GLI3: variants seen among roughly 807,000 people sequenced by gnomAD.
The protein encoded by GLI3 is transcription activator GLI3.
A neutral mutation model predicts 100.8 loss-of-function variants in GLI3; 20 were observed. The observed-to-expected ratio is 0.20, with a 90% CI of 0.14 to 0.29. GLI3 has a LOEUF of 0.29. Among genes scored for constraint, GLI3 ranks in the 10% least tolerant of loss-of-function variants. The probability of loss-of-function intolerance (pLI) is 1.00; values close to 1 mark genes in which losing one functional copy is unlikely to be tolerated. For missense variants in GLI3, 2,040 were observed against 2,128.5 expected (o/e 0.96, Z 0.82); for synonymous variants, 938 against 860.5 (o/e 1.09, Z -1.58).
intron 7 of GLI3, among the ~76,000 whole-genome samples, chr7:42,035,331 G>T (rs1285480774): frequency 6.6e-6 from 1 of 152,198 alleles, no homozygotes; most frequent in South Asian, 2.1e-4. Flanking sequence ...CAGTGGACCT[G>T]CCAGATGCAC....
upstream of GLI3, among the ~76,000 whole-genome samples, chr7:42,241,950 C>T (rs889483259): frequency 4.9e-4 from 74 of 152,126 alleles, no homozygotes; most frequent in African/African-American, 1.7e-3. Flanking sequence ...TTCTGTATCC[C>T]GCTTTTTCTA....
chr7:42,144,635 T>C (rs139898577), intron 3 of GLI3, among the ~76,000 whole-genome samples: 124 of 151,948 alleles, frequency 8.2e-4, no homozygotes, highest in African/African-American at 2.9e-3. Flanking sequence ...TATAATAAAA[T>C]CTTGTGCAAT....
rs1352265362 is a variant in GLI3, at chr7:41,965,289, G to C, written c.3784C>G (p.Pro1262Ala). Residue 1262 changes from proline (P) to alanine (A), a missense_variant, in exon 15 of 15, where the codon CCA becomes GCA. Pro to Ala is a conservative substitution (Grantham distance 27). This residue lies in a region of GLI3 where 1,041 missense variants were observed against 924.0 expected (regional missense o/e 1.13). Coordinates refer to ENST00000395925, the MANE Select transcript of GLI3 (RefSeq NM_000168.6). ...PQYGNCLNRQ[P>A]VAPGALDGAC... ...CCGTCGAGTGCACCAGGGGCCACTG[G>C]CTGCCTGTTGAGACAGTTCCCATAC... is the stretch of plus-strand genomic sequence containing the variant. 1 of 1,613,708 alleles carries C rather than the reference G, an allele frequency of 6.2e-7. No homozygotes were observed. The highest frequency in any genetic ancestry group is 1.3e-5 in the African/African-American group (1 of 75,068).
chr7:42,156,861 T>A (rs1787015852), intron 2 of GLI3, among the ~76,000 whole-genome samples: 1 of 152,236 alleles, frequency 6.6e-6, no homozygotes, highest in Non-Finnish European at 1.5e-5. Context: ...CTAACCTTTC[T>A]AACATTTTTC....
chr7:42,128,933 G>C (rs1173165427), intron 3 of GLI3, among the ~76,000 whole-genome samples: 2 of 152,188 alleles, frequency 1.3e-5, no homozygotes, highest in Non-Finnish European at 2.9e-5. Flanking sequence ...AGGTGGGCCT[G>C]GGTCTTAAGT....
intron 6 of GLI3, among the ~76,000 whole-genome samples, chr7:42,044,443 C>A (rs1003639147): frequency 6.6e-6 from 1 of 152,140 alleles, no homozygotes; most frequent in African/African-American, 2.4e-5. Flanking sequence ...TATAGGCTTA[C>A]TTGTCTATGC....
intron 3 of GLI3, among the ~76,000 whole-genome samples, chr7:42,080,425 T>C (rs1199201547): frequency 6.6e-6 from 1 of 152,250 alleles, no homozygotes; most frequent in Non-Finnish European, 1.5e-5. Flanking sequence ...GGATATGATC[T>C]GATTTGACCA....
Position 42,077,793 on chromosome 7 carries a change from G to A in GLI3, c.368-936C>T, listed in dbSNP as rs549262148. 2.6e-5 allele frequency among the ~76,000 whole-genome samples: 4 copies of A among 151,996 alleles called. No homozygotes were observed. The South Asian group carries it at 8.3e-4, about 32-fold the overall frequency. On this transcript the variant is annotated intron_variant, in intron 3 of 14. Transcript: ENST00000395925. The stretch of plus-strand genomic sequence containing the variant: ...AGAGTTTTAACAGATTTTATACTTA[G>A]AAGCATGACTGATGAGTCAAGGTTT...
At chr7:42,015,303 G>A (rs1788726568) in intron 10 of GLI3, among the ~76,000 whole-genome samples, 1 of 152,098 alleles carries the variant, frequency 6.6e-6, no homozygotes, top group South Asian at 2.1e-4. Context: ...ACTGGGTGGG[G>A]TCGGGTGGAG....
intron 10 of GLI3, among the ~76,000 whole-genome samples, chr7:41,982,756 CT>C (rs1787709476): frequency 1.3e-5 from 2 of 151,546 alleles, no homozygotes; most frequent in Admixed American, 1.3e-4. Context: ...GAGTGTTCAT[CT>C]GAGGGCCTAT....
chr7:42,152,499 G>A (rs1786896829), intron 2 of GLI3: 2 of 823,264 alleles, frequency 2.4e-6, no homozygotes, highest in African/African-American at 3.7e-5. Flanking sequence ...GCTCCCATTA[G>A]AGGAATTAAA....
chr7:41,976,504 T>C (rs1787517999), intron 12 of GLI3, among the ~76,000 whole-genome samples: 1 of 152,216 alleles, frequency 6.6e-6, no homozygotes, highest in East Asian at 1.9e-4. Flanking sequence ...CTGAGCAGAA[T>C]GGCTCACTTT....
intron 4 of GLI3, among the ~76,000 whole-genome samples, chr7:42,049,459 G>A (rs539687196): frequency 3.9e-4 from 59 of 152,328 alleles, no homozygotes; most frequent in African/African-American, 1.3e-3. Context: ...GATGAGCCAC[G>A]TTCAGTGAGC....
At chr7:42,118,203 T>C (rs1583572909) in intron 3 of GLI3, 1 of 397,478 alleles carries the variant, frequency 2.5e-6, no homozygotes, top group Non-Finnish European at 4.4e-6. Flanking sequence ...ACCTTTCCAT[T>C]ATTTTTTATT....
At chr7:41,990,145 A>G (rs926857545) in intron 10 of GLI3, among the ~76,000 whole-genome samples, 17 of 147,282 alleles carry the variant, frequency 1.2e-4, no homozygotes, top group African/African-American at 3.7e-4. Flanking sequence ...ACACACACAC[A>G]CACACAATGA....
intron 10 of GLI3, among the ~76,000 whole-genome samples, chr7:42,020,826 C>A (rs1315501645): frequency 6.7e-6 from 1 of 149,894 alleles, no homozygotes; most frequent in Non-Finnish European, 1.5e-5. Flanking sequence ...GGAGGCGGAG[C>A]TTGCAGTGAG....
At chr7:42,183,620 T>C (rs1787661124) in intron 2 of GLI3, among the ~76,000 whole-genome samples, 1 of 152,172 alleles carries the variant, frequency 6.6e-6, no homozygotes, top group African/African-American at 2.4e-5. Flanking sequence ...TGTGACAGCC[T>C]GAAGACTTCC....
intron 10 of GLI3, among the ~76,000 whole-genome samples, chr7:42,015,087 A>C (rs552179539): frequency 2.3e-4 from 35 of 152,350 alleles, no homozygotes; most frequent in African/African-American, 8.4e-4. Flanking sequence ...ATAAACAAAA[A>C]ACAAATTAAA....
chr7:42,041,355 T>C (rs1439260148), intron 6 of GLI3, among the ~76,000 whole-genome samples: 1 of 152,194 alleles, frequency 6.6e-6, no homozygotes, highest in Non-Finnish European at 1.5e-5. Flanking sequence ...CAATTTGCAT[T>C]CAAATTTGGT....
Sources: allele counts gnomAD v4.1 joint callset (sites outside exome capture counted in the v4.1 genomes callset), GRCh38; gene constraint gnomAD v4.1.1; regional missense constraint gnomAD v4.1.1; transcripts MANE v1.5; gene names NCBI Gene and HGNC (gene_info 2026-07-23, HGNC 2026-07-21).